Variants in KLC4 observed in about 807,000 individuals in gnomAD.
The protein encoded by KLC4 is kinesin light chain 4.
In KLC4, 49 loss-of-function variants were observed where a neutral mutation model predicts 77.2. That is an observed-to-expected ratio of 0.63 (90% CI 0.50 to 0.80). The LOEUF is 0.80. Among genes scored for constraint, KLC4 ranks in the 30% least tolerant of loss-of-function variants. The pLI, the probability that KLC4 is intolerant of heterozygous loss-of-function variation, is 0.00. For missense variants in KLC4, 669 were observed against 793.5 expected (o/e 0.84, Z 1.89); for synonymous variants, 274 against 314.5 (o/e 0.87, Z 1.36).
In KLC4 at chr6:43,072,846, C is replaced by G. The variant is rs745503574; in HGVS notation, c.1511C>G (p.Thr504Arg). Residue 504 changes from threonine to arginine, a missense_variant, in exon 13 of 16, where the codon ACG becomes AGG. Physicochemically the swap from Thr to Arg is moderately conservative, Grantham distance 71 (BLOSUM62 -1). Transcript: ENST00000347162. Reference protein sequence around the residue: ...RRQGTDPISQTKVAELLGESD... With the variant: ...RRQGTDPISQRKVAELLGESD... ...CAGGGCACTGACCCTATCAGCCAGA[C>G]GAAGGTGGCAGAGCTGCTTGGGGAG... The G allele has an allele frequency of 1.9e-6, 3 of 1,613,720 alleles. No homozygotes were observed. In the Admixed American group the frequency reaches 5.0e-5, roughly 27 times the overall value.
rs759309707 is a variant in KLC4, at chr6:43,063,141, T to C, written c.483T>C (p.His161=). The change falls in exon 3 of 16, where the codon CAT becomes CAC. Residue 161 remains histidine, a synonymous_variant. Transcript: ENST00000347162. ...TGCGGCAGTATGATGAGGATGGACA[T>C]ACCTCGGTGAGTGTGCACAGGCGAG... ...GQLRQYDEDG[H]TSEEKEGDAT... The C allele has an allele frequency of 6.2e-7, 1 of 1,611,540 alleles. No homozygotes were observed. Among genetic ancestry groups the C allele is most frequent in the Non-Finnish European group, 8.5e-7 (1 of 1,177,910 alleles).
rs1765394959 is a variant in KLC4 at position 43,065,824 on chromosome 6, A to G, written c.571+123A>G. ...TAGGTTCTCCACTTTCTCTGGAGAC[A>G]GGGCAGGGGCTGGGCTAGTACTTCG... On this transcript the variant is annotated intron_variant, in intron 4 of 15. Transcript: ENST00000347162. 7.4e-6 allele frequency: 5 copies of G among 678,962 alleles called. No individual in the cohort carries two copies. In the South Asian group the frequency reaches 8.7e-5, roughly 12 times the overall value. The allele number at this position is 678,962 out of a possible 1,614,324, so 42.1% of individuals were successfully genotyped here.
At chr6:43,064,244 G>C (rs1446443431) in intron 3 of KLC4, among the ~76,000 whole-genome samples, 1 of 152,214 alleles carries the variant, frequency 6.6e-6, no homozygotes, top group African/African-American at 2.4e-5. Flanking sequence ...TGGATGAGTG[G>C]TTCAGTCAGT....
rs144797819 is a variant in KLC4 at position 43,073,560 on chromosome 6, T to C, written c.1745+222T>C. ...TACTTGGGAGGCTGAGGCAGGAGAA[T>C]TGCTGGAACCCAGGAGGCAGAGGTT... is the stretch of plus-strand genomic sequence containing the variant. On this transcript the variant is annotated intron_variant, in intron 14 of 15. Coordinates refer to ENST00000347162, the MANE Select transcript of KLC4 (RefSeq NM_201521.3). 2,200 of 532,398 alleles carry C rather than the reference T, an allele frequency of 4.1e-3. 45 individuals carry two copies. Among genetic ancestry groups the C allele is most frequent in the African/African-American group, 0.038 (1,996 of 52,396 alleles). 33.0% of individuals were successfully genotyped at this position (532,398 alleles called of 1,614,324 possible).
chr6:43,066,650 C>T (rs942271971), intron 5 of KLC4, 125 bp downstream of exon 5: 1 of 761,744 alleles, frequency 1.3e-6, no homozygotes, highest in African/African-American at 1.8e-5. Context: ...AGATACACCC[C>T]AACAGGGTGC....
At chr6:43,059,850 GAT>G in intron 1 of KLC4, 165 bp downstream of exon 1, 1 of 1,191,328 alleles carries the variant, frequency 8.4e-7, no homozygotes, top group Non-Finnish European at 1.0e-6. Flanking sequence ...CGTCCAGACA[GAT>G]AGACAGACGA....
chr6:43,074,899 A>G lies in KLC4; in HGVS notation c.*227A>G. ...CACCCTGTGGTCCTCTAGAGTAGCT[A>G]GCTCTGAGGCCCCAAGGTGGGTACA... is the stretch of plus-strand genomic sequence containing the variant. On this transcript the variant is annotated 3_prime_UTR_variant, in exon 16 of 16. Transcript: ENST00000347162. 2 of 555,742 alleles carry G rather than the reference A, an allele frequency of 3.6e-6. No homozygotes were observed. Among genetic ancestry groups the G allele is most frequent in the South Asian group, 4.2e-5 (2 of 47,930 alleles). The allele number at this position is 555,742 out of a possible 1,614,324, so 34.4% of individuals were successfully genotyped here.
intron 2 of KLC4, 102 bp from the exon 3 acceptor site, chr6:43,062,815 C>A: frequency 1.1e-6 from 1 of 903,950 alleles, no homozygotes; most frequent in Non-Finnish European, 1.8e-6. Context: ...TCTGGCTCCT[C>A]TGTGCCCCTG....
At chr6:43,062,883 C>T (rs1160241649) in intron 2 of KLC4, 34 bp from the exon 3 acceptor site, 24 of 1,584,510 alleles carry the variant, frequency 1.5e-5, no homozygotes, top group Non-Finnish European at 1.9e-5. Flanking sequence ...TACTCCCACC[C>T]AGAATCTGGA....
chr6:43,068,298 C>T (rs1582016175), intron 6 of KLC4, among the ~76,000 whole-genome samples: 2 of 149,716 alleles, frequency 1.3e-5, no homozygotes, highest in Non-Finnish European at 3.0e-5. Flanking sequence ...ATGGTGAAAC[C>T]CCGTCTCTAC....
intron 12 of KLC4, among the ~76,000 whole-genome samples, 185 bp downstream of exon 12, chr6:43,072,440 T>C (rs1423878302): frequency 1.3e-5 from 2 of 152,134 alleles, no homozygotes; most frequent in African/African-American, 4.8e-5. Flanking sequence ...CACCTGCATT[T>C]TGTGGTCAGG....
intron 3 of KLC4, among the ~76,000 whole-genome samples, chr6:43,065,232 G>T (rs1056014431): frequency 6.6e-6 from 1 of 151,986 alleles, no homozygotes; most frequent in East Asian, 1.9e-4. Context: ...GCGCCACCAC[G>T]CCCGGCTAAT....
At chr6:43,063,217 G>C in intron 3 of KLC4, 70 bp downstream of exon 3, 1 of 1,210,064 alleles carries the variant, frequency 8.3e-7, no homozygotes. Context: ...GGGGGCAATT[G>C]CCCCATCATC....
intron 6 of KLC4, 47 bp downstream of exon 6, chr6:43,067,130 A>G (rs1765476652): frequency 1.1e-6 from 1 of 933,766 alleles, no homozygotes; most frequent in Non-Finnish European, 1.6e-6. Flanking sequence ...ACCCCCCACC[A>G]TTGCTGTTTT....
In KLC4 at chr6:43,073,927, T is replaced by C. The variant is rs770860338; in HGVS notation, c.1771T>C (p.Leu591=). ...CAGCAACATGAAGCGAGCAGCCTCCTTGAACTATCTGAACCAACCTAGTGC... is the reference window on the plus strand; with the variant it reads ...CAGCAACATGAAGCGAGCAGCCTCCCTGAACTATCTGAACCAACCTAGTGC... ...SSSNMKRAAS[L]NYLNQPSAAP... is the part of the protein sequence containing the mutation. Residue 591 remains leucine (L), a synonymous_variant, in exon 15 of 16, where the codon TTG becomes CTG. Coordinates refer to ENST00000347162, the MANE Select transcript of KLC4 (RefSeq NM_201521.3). 26 of 1,613,884 alleles carry C rather than the reference T, an allele frequency of 1.6e-5. No homozygotes were observed. The African/African-American group carries it at 2.8e-4, about 17-fold the overall frequency.
chr6:43,073,884 T>G lies in KLC4; in HGVS notation c.1746-18T>G. On this transcript the variant is annotated intron_variant, in intron 14 of 15. Coordinates refer to ENST00000347162, the MANE Select transcript of KLC4 (RefSeq NM_201521.3). ...GGAGGAAGAGAGGAGGCCTCAATTC[T>G]TCCGTTTTCCATTGTAGCAGCAACA... The G allele has an allele frequency of 6.2e-7, 1 of 1,613,910 alleles. No individual in the cohort carries two copies. The highest frequency in any genetic ancestry group is 8.5e-7 in the Non-Finnish European group (1 of 1,179,810).
Position 43,061,350 on chromosome 6 carries a change from G to A in KLC4, c.15G>A (p.Val5=), listed in dbSNP as rs1390073974. 3.7e-6 allele frequency: 6 copies of A among 1,613,666 alleles called. No homozygotes were observed. In the Admixed American group the frequency reaches 5.0e-5, roughly 13 times the overall value. ...CCCAGGCCAGGATGTCAGGCCTGGT[G>A]TTGGGGCAGCGGGATGAGCCTGCAG... MSGL[V]LGQRDEPAGH... is the part of the protein sequence containing the mutation. The change falls in exon 2 of 16, where the codon GTG becomes GTA. Residue 5 remains valine, a synonymous_variant. Coordinates refer to ENST00000347162, the MANE Select transcript of KLC4 (RefSeq NM_201521.3).
intron 10 of KLC4, 21 bp from the exon 11 acceptor site, chr6:43,071,831 T>G: frequency 1.9e-6 from 3 of 1,609,392 alleles, no homozygotes; most frequent in Non-Finnish European, 1.7e-6. Context: ...CCCTTCTTTC[T>G]GGCCTCTCTC....
chr6:43,075,009 C>G lies in KLC4; in HGVS notation c.*337C>G, dbSNP rs1765921901. The stretch of plus-strand genomic sequence containing the variant: ...GGCTGGCCAGCCAAGCTGCCTTGCC[C>G]TGGCCGCTCTTACTCCCTCCCTCTG... On this transcript the variant is annotated 3_prime_UTR_variant, in exon 16 of 16. Transcript: ENST00000347162. 2 of 338,992 alleles carry G rather than the reference C, an allele frequency of 5.9e-6. No individual in the cohort carries two copies. Among genetic ancestry groups the G allele is most frequent in the Admixed American group, 8.7e-5 (2 of 23,002 alleles). 21.0% of individuals were successfully genotyped at this position (338,992 alleles called of 1,614,324 possible).
Sources: allele counts gnomAD v4.1 joint callset (sites outside exome capture counted in the v4.1 genomes callset), GRCh38; gene constraint gnomAD v4.1.1; transcripts MANE v1.5; gene names NCBI Gene and HGNC (gene_info 2026-07-23, HGNC 2026-07-21).